The following RBFOX1 variants were observed in gnomAD, a reference collection of about 807,000 sequenced individuals.
RBFOX1 encodes the protein RNA binding protein fox-1 homolog 1.
Under a neutral mutation model 57.7 loss-of-function variants are expected in RBFOX1, and 8 were observed. The ratio of observed to expected loss-of-function variants is 0.14; its 90% confidence interval spans 0.08 to 0.25. The LOEUF is 0.25. RBFOX1 is among the 10% of genes least tolerant of loss of function. The pLI is 1.00. For missense variants in RBFOX1, 611 were observed against 548.5 expected (o/e 1.11, Z -1.14); for synonymous variants, 326 against 222.4 (o/e 1.47, Z -4.15).
intron 4 of RBFOX1, among the ~76,000 whole-genome samples, chr16:7,181,992 A>G (rs778287713): frequency 2.6e-5 from 4 of 152,224 alleles, no homozygotes; most frequent in Non-Finnish European, 5.9e-5. Flanking sequence ...GTGAATAACA[A>G]GCATACCACT....
chr16:6,819,164 A>C (rs62016149), intron 3 of RBFOX1, among the ~76,000 whole-genome samples: 1 of 152,146 alleles, frequency 6.6e-6, no homozygotes, highest in African/African-American at 2.4e-5. Context: ...GACCCCTGTG[A>C]GCCTTGTACA....
intron 4 of RBFOX1, among the ~76,000 whole-genome samples, chr16:7,197,342 G>C (rs879670662): frequency 6.6e-6 from 1 of 151,646 alleles, no homozygotes; most frequent in Non-Finnish European, 1.5e-5. Context: ...TCCTGATCTT[G>C]GGAATCCCAG....
intron 5 of RBFOX1, among the ~76,000 whole-genome samples, chr16:7,555,886 A>G (rs6500983): frequency 0.95 from 144,650 of 152,242 alleles, 68,904 homozygotes; most frequent in Middle Eastern, 0.99. Flanking sequence ...ATGCTCTGCA[A>G]TGCTCTGATT....
In RBFOX1 at chr16:7,653,509, T is replaced by G. The variant is rs183896027; in HGVS notation, c.758-306T>G. Among the ~76,000 whole-genome samples the G allele has an allele frequency of 1.7e-3, 262 of 152,270 alleles. 3 individuals are homozygous for G. Among genetic ancestry groups the G allele is most frequent in the African/African-American group, 6.1e-3 (252 of 41,574 alleles). ...TGACAGAGCCAGTCCCTGTCTCAAA[T>G]AAACTCATTAATTAAATACTCATGC... is the stretch of plus-strand genomic sequence containing the variant. On this transcript the variant is annotated intron_variant, in intron 11 of 15. Transcript: ENST00000550418.
At chr16:7,562,026 A>G (rs1434857140) in intron 5 of RBFOX1, among the ~76,000 whole-genome samples, 5 of 152,176 alleles carry the variant, frequency 3.3e-5, no homozygotes, top group Admixed American at 2.6e-4. Flanking sequence ...GAGGAAAAAA[A>G]AAATACTGCA....
intron 4 of RBFOX1, among the ~76,000 whole-genome samples, chr16:7,073,490 A>C (rs1029002372): frequency 6.6e-6 from 1 of 152,082 alleles, no homozygotes; most frequent in African/African-American, 2.4e-5. Context: ...ACCCCCTACA[A>C]TTCGTTCTAT....
At chr16:7,055,337 G>C (rs1307803982) in intron 4 of RBFOX1, among the ~76,000 whole-genome samples, 1 of 152,126 alleles carries the variant, frequency 6.6e-6, no homozygotes, top group East Asian at 1.9e-4. Context: ...CAAGCTAAGA[G>C]TTATGGAAAA....
chr16:7,185,850 C>G (rs186057519), intron 4 of RBFOX1, among the ~76,000 whole-genome samples: 84 of 152,262 alleles, frequency 5.5e-4, no homozygotes, highest in Non-Finnish European at 1.0e-3. Flanking sequence ...GATTTGGATT[C>G]CATGGCATTT....
At chr16:7,698,305 A>C (rs79586386) in intron 14 of RBFOX1, among the ~76,000 whole-genome samples, 1 of 151,792 alleles carries the variant, frequency 6.6e-6, no homozygotes, top group African/African-American at 2.4e-5. Context: ...CCCTTAGCAA[A>C]TCTGGGGACA....
intron 1 of RBFOX1, among the ~76,000 whole-genome samples, chr16:5,356,580 A>G (rs1432506605): frequency 6.6e-6 from 1 of 152,170 alleles, no homozygotes; most frequent in Non-Finnish European, 1.5e-5. Context: ...TTGTGTCCCT[A>G]GCTTCTGGAA....
At chr16:6,557,684 G>A (rs574276062) in intron 2 of RBFOX1, among the ~76,000 whole-genome samples, 37 of 152,326 alleles carry the variant, frequency 2.4e-4, no homozygotes, top group Non-Finnish European at 5.0e-4. Flanking sequence ...TTTCGACCAA[G>A]TATCTCATTG....
chr16:6,263,844 C>G (rs1318757097), intron 1 of RBFOX1, among the ~76,000 whole-genome samples: 1 of 152,198 alleles, frequency 6.6e-6, no homozygotes, highest in Non-Finnish European at 1.5e-5. Flanking sequence ...AAATGCCATT[C>G]CAAAGGAGAA....
intron 1 of RBFOX1, among the ~76,000 whole-genome samples, chr16:6,293,499 A>G (rs939747883): frequency 6.6e-6 from 1 of 152,170 alleles, no homozygotes; most frequent in Non-Finnish European, 1.5e-5. Flanking sequence ...GTCCTTGGAT[A>G]AGCTCTTGGG....
chr16:7,133,960 G>A (rs1223837260), intron 4 of RBFOX1, among the ~76,000 whole-genome samples: 2 of 152,178 alleles, frequency 1.3e-5, no homozygotes, highest in Admixed American at 6.5e-5. Flanking sequence ...TATTTGTCAG[G>A]TTGATAACAT....
chr16:5,586,157 T>G (rs945781677), intron 2 of RBFOX1, among the ~76,000 whole-genome samples: 1 of 151,994 alleles, frequency 6.6e-6, no homozygotes, highest in Non-Finnish European at 1.5e-5. Flanking sequence ...CCAGCAGAAG[T>G]TGGGGGAGAG....
intron 3 of RBFOX1, among the ~76,000 whole-genome samples, chr16:6,778,728 C>G (rs943639107): frequency 6.6e-6 from 1 of 151,954 alleles, no homozygotes; most frequent in Non-Finnish European, 1.5e-5. Context: ...GATTGTCTTC[C>G]TGAGTCTTTT....
At chr16:5,282,798 C>A (rs768028150) in intron 1 of RBFOX1, among the ~76,000 whole-genome samples, 2 of 152,128 alleles carry the variant, frequency 1.3e-5, no homozygotes, top group African/African-American at 4.8e-5. Flanking sequence ...TGCAGCCTGA[C>A]GATGCAATAG....
At chr16:7,127,148 A>C (rs1186234105) in intron 4 of RBFOX1, among the ~76,000 whole-genome samples, 5 of 152,114 alleles carry the variant, frequency 3.3e-5, no homozygotes, top group African/African-American at 9.7e-5. Flanking sequence ...TCTACCCCTG[A>C]CTGTGATTAT....
At chr16:6,196,824 T>G (rs1037545391) in intron 1 of RBFOX1, among the ~76,000 whole-genome samples, 1 of 151,852 alleles carries the variant, frequency 6.6e-6, no homozygotes, top group Non-Finnish European at 1.5e-5. Flanking sequence ...CCTGTTTACA[T>G]ATGGAGACAT....
Sources: allele counts gnomAD v4.1 joint callset (sites outside exome capture counted in the v4.1 genomes callset), GRCh38; gene constraint gnomAD v4.1.1; transcripts MANE v1.5; gene names NCBI Gene and HGNC (gene_info 2026-07-23, HGNC 2026-07-21).